BASP1: variants seen among roughly 807,000 people sequenced by gnomAD.
BASP1 encodes brain acid soluble protein 1.
BASP1 carries 1 observed loss-of-function variant against 2.2 expected under a neutral mutation model. The ratio of observed to expected loss-of-function variants is 0.46; its 90% confidence interval spans 0.16 to 2.17. The LOEUF (loss-of-function observed/expected upper bound fraction) is 2.17, where lower values mean the gene tolerates loss of function less well. BASP1 is among the 30% of genes most tolerant of loss of function. The probability of loss-of-function intolerance (pLI) is 0.27; values close to 1 mark genes in which losing one functional copy is unlikely to be tolerated. For missense variants in BASP1, 352 were observed against 327.2 expected (o/e 1.08, Z -0.58); for synonymous variants, 187 against 154.2 (o/e 1.21, Z -1.58).
upstream of BASP1, chr5:17,217,457 G>C (rs1739276648): frequency 8.6e-6 from 1 of 116,032 alleles, no homozygotes; most frequent in South Asian, 3.0e-4. Context: ...GGAGCTGGAG[G>C]GGGTGGAGGG....
At chr5:17,239,986 A>C (rs1739829776) in intron 1 of BASP1, among the ~76,000 whole-genome samples, 1 of 152,146 alleles carries the variant, frequency 6.6e-6, no homozygotes, top group Non-Finnish European at 1.5e-5. Flanking sequence ...GTTCCACCAA[A>C]ATTCCTACGT....
At position 17,276,076 on chromosome 5, in the gene BASP1, G is replaced by C; in HGVS notation, c.*176G>C. On this transcript the variant is annotated 3_prime_UTR_variant, in exon 2 of 2. Transcript: ENST00000322611. ...GAAGTAATGATATGTATTGCCCAAG[G>C]AAAAATACAGGATGTTGTCCCATCA... is the stretch of plus-strand genomic sequence containing the variant. 1 of 183,650 alleles carries C rather than the reference G, an allele frequency of 5.4e-6. No individual in the cohort carries two copies. The highest frequency in any genetic ancestry group is 1.1e-5 in the Non-Finnish European group (1 of 93,600). The allele number at this position is 183,650 out of a possible 1,614,324, so 11.4% of individuals were successfully genotyped here. A position where few individuals can be genotyped will look rare whatever the true frequency, so the allele number is the denominator to read the frequency against.
chr5:17,254,425 A>C (rs142236421), intron 1 of BASP1, among the ~76,000 whole-genome samples: 86 of 152,318 alleles, frequency 5.6e-4, no homozygotes, highest in African/African-American at 2.0e-3. Context: ...TCAAGATTCC[A>C]TAATTCCAAG....
At chr5:17,219,135 C>T (rs1319399282) in intron 1 of BASP1, among the ~76,000 whole-genome samples, 1 of 151,840 alleles carries the variant, frequency 6.6e-6, no homozygotes, top group Non-Finnish European at 1.5e-5. Flanking sequence ...CAGCCCGGGC[C>T]AACAGACCCC....
At chr5:17,228,016 G>T (rs1233563473) in intron 1 of BASP1, among the ~76,000 whole-genome samples, 1 of 152,198 alleles carries the variant, frequency 6.6e-6, no homozygotes, top group Non-Finnish European at 1.5e-5. Flanking sequence ...GTTAAGACAA[G>T]ATTGATAATG....
At chr5:17,253,964 A>G (rs754423000) in intron 1 of BASP1, among the ~76,000 whole-genome samples, 5 of 152,116 alleles carry the variant, frequency 3.3e-5, no homozygotes, top group Non-Finnish European at 5.9e-5. Context: ...GTACGTAGCT[A>G]TTTTGGAAAA....
intron 1 of BASP1, among the ~76,000 whole-genome samples, chr5:17,231,799 G>A (rs1215233589): frequency 6.6e-6 from 1 of 152,214 alleles, no homozygotes; most frequent in African/African-American, 2.4e-5. Context: ...AGGCAGGGAT[G>A]TGTCTGTTTT....
chr5:17,248,266 T>C (rs972415433), intron 1 of BASP1, among the ~76,000 whole-genome samples: 2 of 152,228 alleles, frequency 1.3e-5, no homozygotes, highest in Non-Finnish European at 2.9e-5. Flanking sequence ...ATACCAAATG[T>C]CCGTTATCTG....
chr5:17,225,570 A>G (rs967969676), intron 1 of BASP1, among the ~76,000 whole-genome samples: 2 of 152,228 alleles, frequency 1.3e-5, no homozygotes, highest in African/African-American at 2.4e-5. Context: ...CCCAAAATGC[A>G]CAGTGGTTGG....
chr5:17,225,820 G>A (rs1739490794), intron 1 of BASP1, among the ~76,000 whole-genome samples: 1 of 152,204 alleles, frequency 6.6e-6, no homozygotes, highest in Non-Finnish European at 1.5e-5. Flanking sequence ...ACAACGGGAT[G>A]TTTAATCTTT....
At position 17,275,124 on chromosome 5, in the gene BASP1, C is replaced by T. The variant is rs1740605551; in HGVS notation, c.-9-84C>T. The T allele has an allele frequency of 7.3e-7, 1 of 1,369,384 alleles. No individual in the cohort carries two copies. Among genetic ancestry groups the T allele is most frequent in the Non-Finnish European group, 1.0e-6 (1 of 981,144 alleles). 84.8% of individuals were successfully genotyped at this position (1,369,384 alleles called of 1,614,324 possible). On this transcript the variant is annotated intron_variant, in intron 1 of 1. Coordinates refer to ENST00000322611, the MANE Select transcript of BASP1 (RefSeq NM_006317.5). The surrounding 1 kb of genome is among the most constrained non-coding windows in gnomAD (Gnocchi z 5.3). ...TGTGCAGTGCAGCAGGCCCAGAACC[C>T]CTTGCTTTGCAAAATGCAGCTTTTT...
intron 1 of BASP1, among the ~76,000 whole-genome samples, chr5:17,257,809 C>G (rs1740243727): frequency 6.6e-6 from 1 of 152,156 alleles, no homozygotes; most frequent in South Asian, 2.1e-4. Flanking sequence ...CTTCTGAAAA[C>G]AGTATTGTCT....
chr5:17,275,368 C>G lies in BASP1; in HGVS notation c.152C>G (p.Ala51Gly). The G allele has an allele frequency of 6.2e-7, 1 of 1,600,180 alleles. No individual in the cohort carries two copies. Among genetic ancestry groups the G allele is most frequent in the South Asian group, 1.1e-5 (1 of 90,088 alleles). ...CAGGCGGCCGCAGAGCCCGCCGAGG[C>G]CAAGGAGGGCAAGGAGAAGCCCGAC... Reference protein sequence around the residue: ...EPQAAAEPAEAKEGKEKPDQD... With the variant: ...EPQAAAEPAEGKEGKEKPDQD... Residue 51 changes from alanine to glycine, a missense_variant, in exon 2 of 2, where the codon GCC becomes GGC. Physicochemically the swap from Ala to Gly is moderately conservative, Grantham distance 60 (BLOSUM62 0). Coordinates refer to ENST00000322611, the MANE Select transcript of BASP1 (RefSeq NM_006317.5). The surrounding 1 kb of genome is among the most constrained non-coding windows in gnomAD (Gnocchi z 5.3).
intron 1 of BASP1, among the ~76,000 whole-genome samples, chr5:17,224,517 T>C (rs1739455862): frequency 6.6e-6 from 1 of 152,136 alleles, no homozygotes; most frequent in Admixed American, 6.5e-5. Flanking sequence ...TATTGACATC[T>C]TCAGTATTAA....
chr5:17,221,760 CTA>C (rs754763806), intron 1 of BASP1, among the ~76,000 whole-genome samples: 3 of 152,020 alleles, frequency 2.0e-5, no homozygotes, highest in Non-Finnish European at 2.9e-5. Flanking sequence ...TAGTGGACAA[CTA>C]TTAGGAAGGA....
At position 17,259,823 on chromosome 5, in the gene BASP1, A is replaced by G. The variant is rs566289227; in HGVS notation, c.-9-15385A>G. On this transcript the variant is annotated intron_variant, in intron 1 of 1. Transcript: ENST00000322611. ...TCGAGCCTGTCATGGCTCCAAGCCC[A>G]TCATGGTCTGTCTAGTCCATTAAGA... Among the ~76,000 whole-genome samples, 231 of 152,310 alleles carry G rather than the reference A, an allele frequency of 1.5e-3. 2 individuals carry two copies. The highest frequency in any genetic ancestry group is 2.6e-3 in the Non-Finnish European group (180 of 68,018).
intron 1 of BASP1, among the ~76,000 whole-genome samples, chr5:17,270,397 C>T (rs1410336455): frequency 6.6e-6 from 1 of 152,152 alleles, no homozygotes; most frequent in East Asian, 1.9e-4. Context: ...AAACTGATTT[C>T]TTGGCAGAAT....
intron 1 of BASP1, among the ~76,000 whole-genome samples, chr5:17,267,216 C>A (rs1740431802): frequency 1.3e-5 from 2 of 152,136 alleles, no homozygotes; most frequent in Admixed American, 1.3e-4. Flanking sequence ...AAGGCAGGAC[C>A]ACCAGTGATT....
intron 1 of BASP1, among the ~76,000 whole-genome samples, chr5:17,266,985 C>A (rs1340643473): frequency 2.0e-5 from 3 of 152,190 alleles, no homozygotes; most frequent in African/African-American, 4.8e-5. Flanking sequence ...GGGCTGAGAA[C>A]TTTTCCCACT....
Sources: gnomAD v4.1 joint callset for allele counts (sites outside exome capture counted in the v4.1 genomes callset) on GRCh38, gnomAD v4.1.1 for gene constraint, Gnocchi (gnomAD v3.1) non-coding constraint, MANE v1.5 for transcripts, NCBI Gene and HGNC (gene_info 2026-07-23, HGNC 2026-07-21) for gene names.